Variants in SLC24A3 observed in about 807,000 individuals in gnomAD.
SLC24A3 encodes the protein sodium/potassium/calcium exchanger 3.
SLC24A3 carries 28 observed loss-of-function variants against 75.8 expected under a neutral mutation model. The ratio of observed to expected loss-of-function variants is 0.37; its 90% CI spans 0.27 to 0.51. SLC24A3 has a LOEUF of 0.51. Among genes scored for constraint, SLC24A3 ranks in the 20% least tolerant of loss-of-function variants. The pLI, the probability that SLC24A3 is intolerant of heterozygous loss-of-function variation, is 0.94. For missense variants in SLC24A3, 663 were observed against 847.8 expected (o/e 0.78, Z 2.71); for synonymous variants, 372 against 334.1 (o/e 1.11, Z -1.24).
At chr20:19,341,456 T>C (rs139254156) in intron 2 of SLC24A3, among the ~76,000 whole-genome samples, 47 of 152,318 alleles carry the variant, frequency 3.1e-4, no homozygotes, top group African/African-American at 8.7e-4. Flanking sequence ...GGGTGTGTTC[T>C]GGAGGGATTC....
intron 2 of SLC24A3, among the ~76,000 whole-genome samples, chr20:19,463,423 T>G (rs1056967511): frequency 6.6e-6 from 1 of 152,226 alleles, no homozygotes; most frequent in Non-Finnish European, 1.5e-5. Context: ...ATCCCTCCAC[T>G]GAAACACTTA....
At position 19,362,994 on chromosome 20, in the gene SLC24A3, G is replaced by T. The variant is rs376408376; in HGVS notation, c.271+81907G>T. ...TAAGTATTTGGGCTTCCCATGTGTC[G>T]CTGGGAAAGCTTGACTTAGGGCTAC... On this transcript the variant is annotated intron_variant, in intron 2 of 16. Coordinates refer to ENST00000328041, the MANE Select transcript of SLC24A3 (RefSeq NM_020689.4). Among the ~76,000 whole-genome samples the T allele has an allele frequency of 3.9e-5, 6 of 152,162 alleles. No homozygotes were observed. The South Asian group carries it at 1.0e-3, about 26-fold the overall frequency.
intron 3 of SLC24A3, among the ~76,000 whole-genome samples, chr20:19,562,239 G>T (rs2030885498): frequency 6.6e-6 from 1 of 152,122 alleles, no homozygotes; most frequent in Admixed American, 6.6e-5. Context: ...TGCAAGTGTA[G>T]GTCCTTCTCA....
chr20:19,251,574 G>A (rs1422322497), intron 1 of SLC24A3, among the ~76,000 whole-genome samples: 1 of 152,218 alleles, frequency 6.6e-6, no homozygotes, highest in Admixed American at 6.5e-5. Flanking sequence ...CGAGGGCCCA[G>A]CTCTAGCCGG....
chr20:19,222,317 C>T (rs1169327359), intron 1 of SLC24A3, among the ~76,000 whole-genome samples: 1 of 152,114 alleles, frequency 6.6e-6, no homozygotes, highest in African/African-American at 2.4e-5. Flanking sequence ...ATTATACATG[C>T]TTTCTTCAGA....
chr20:19,636,948 C>G (rs919091663), intron 6 of SLC24A3, among the ~76,000 whole-genome samples: 2 of 152,056 alleles, frequency 1.3e-5, no homozygotes, highest in African/African-American at 4.8e-5. Flanking sequence ...AAAACAAGAA[C>G]AAGCCGCTAT....
At chr20:19,557,729 G>A (rs1157105870) in intron 3 of SLC24A3, among the ~76,000 whole-genome samples, 3 of 152,158 alleles carry the variant, frequency 2.0e-5, no homozygotes, top group Non-Finnish European at 4.4e-5. Context: ...TGAGAATCTT[G>A]GGCAAATATG....
intron 2 of SLC24A3, among the ~76,000 whole-genome samples, chr20:19,427,862 A>G (rs1987037794): frequency 6.6e-6 from 1 of 152,242 alleles, no homozygotes; most frequent in South Asian, 2.1e-4. Flanking sequence ...TCCAGAGGAT[A>G]GTTTATGTTT....
At chr20:19,658,977 C>T (rs374316743) in intron 7 of SLC24A3, among the ~76,000 whole-genome samples, 1 of 152,204 alleles carries the variant, frequency 6.6e-6, no homozygotes, top group East Asian at 1.9e-4. Context: ...AGGTAATTTA[C>T]ATAAATGCAA....
chr20:19,605,037 G>A (rs541791036), intron 6 of SLC24A3, among the ~76,000 whole-genome samples: 79 of 152,032 alleles, frequency 5.2e-4, no homozygotes, highest in Non-Finnish European at 8.1e-4. Flanking sequence ...ATCCCATTTT[G>A]ATATTAGAAC....
chr20:19,455,328 T>A (rs1987560057), intron 2 of SLC24A3, among the ~76,000 whole-genome samples: 2 of 152,214 alleles, frequency 1.3e-5, no homozygotes, highest in South Asian at 4.1e-4. Flanking sequence ...TTATCATCAC[T>A]ATTAGGTAAC....
chr20:19,720,844 T>G, intron 16 of SLC24A3, 147 bp from the exon 17 acceptor site: 1 of 690,264 alleles, frequency 1.4e-6, no homozygotes, highest in Non-Finnish European at 2.3e-6. Context: ...AGACGAGAGG[T>G]GGATTTTGCA....
intron 2 of SLC24A3, among the ~76,000 whole-genome samples, chr20:19,429,175 A>C (rs1183741744): frequency 6.6e-6 from 1 of 152,276 alleles, no homozygotes; most frequent in African/African-American, 2.4e-5. Context: ...AAAAGCAAGC[A>C]ACTCAACTAT....
At chr20:19,640,034 A>AGCTGAGGGAGCCT in intron 6 of SLC24A3, among the ~76,000 whole-genome samples, 1 of 152,330 alleles carries the variant, frequency 6.6e-6, no homozygotes, top group East Asian at 1.9e-4. Context: ...CCTCCCTGCA[A>AGCTGAGGGAGCCT]GCTGAGGGAG....
chr20:19,388,222 G>A (rs1477356413), intron 2 of SLC24A3, among the ~76,000 whole-genome samples: 1 of 151,998 alleles, frequency 6.6e-6, no homozygotes, highest in Non-Finnish European at 1.5e-5. Context: ...CTATTGTATT[G>A]CTTTCTATTT....
rs762398209 is a variant in SLC24A3 at position 19,684,212 on chromosome 20, A to G, written c.938A>G (p.Asp313Gly). Residue 313 changes from aspartate (D) to glycine (G), a missense_variant, in exon 11 of 17, where the codon GAC (aspartate) becomes GGC (glycine). This residue lies in a region of SLC24A3 where 510 missense variants were observed against 703.6 expected (regional missense o/e 0.72). Coordinates refer to ENST00000328041, the MANE Select transcript of SLC24A3 (RefSeq NM_020689.4). ...CGCAAAGCATCAGTGATCATGGTAGACGAGCTGCTGTCAGCCTACCCACAC... is the reference window on the plus strand; with the variant it reads ...CGCAAAGCATCAGTGATCATGGTAGGCGAGCTGCTGTCAGCCTACCCACAC... ...FHRKASVIMV[D>G]ELLSAYPHQL... 1.9e-6 allele frequency: 3 copies of G among 1,614,132 alleles called. No homozygotes were observed. The highest frequency in any genetic ancestry group is 2.5e-6 in the Non-Finnish European group (3 of 1,180,022).
chr20:19,369,572 T>C (rs185856790), intron 2 of SLC24A3, among the ~76,000 whole-genome samples: 30 of 152,300 alleles, frequency 2.0e-4, no homozygotes, highest in African/African-American at 2.9e-4. Context: ...GATTAGATAA[T>C]AGTAGTGTTA....
At chr20:19,328,884 G>A (rs1354624204) in intron 2 of SLC24A3, among the ~76,000 whole-genome samples, 1 of 152,220 alleles carries the variant, frequency 6.6e-6, no homozygotes, top group Non-Finnish European at 1.5e-5. Context: ...GCAGAGAGAG[G>A]ACTAAGAGCC....
At chr20:19,320,880 G>A (rs1984691431) in intron 2 of SLC24A3, among the ~76,000 whole-genome samples, 1 of 152,014 alleles carries the variant, frequency 6.6e-6, no homozygotes, top group East Asian at 1.9e-4. Flanking sequence ...TCTGAAGTTG[G>A]TTGACTCTGT....
Sources: allele counts gnomAD v4.1 joint callset (sites outside exome capture counted in the v4.1 genomes callset), GRCh38; gene constraint gnomAD v4.1.1; regional missense constraint gnomAD v4.1.1; transcripts MANE v1.5; gene names NCBI Gene and HGNC (gene_info 2026-07-23, HGNC 2026-07-21).